Variants in PXK observed in about 807,000 individuals in gnomAD.
PXK encodes PX domain-containing protein kinase-like protein.
In PXK, 35 loss-of-function variants were observed where a neutral mutation model predicts 84.7. The observed-to-expected ratio is 0.41, with a 90% CI of 0.32 to 0.55. The LOEUF (loss-of-function observed/expected upper bound fraction) is 0.55, where lower values mean the gene tolerates loss of function less well. Among genes scored for constraint, PXK ranks in the 20% least tolerant of loss-of-function variants. The probability of loss-of-function intolerance (pLI) is 0.21; values close to 1 mark genes in which losing one functional copy is unlikely to be tolerated. For missense variants in PXK, 634 were observed against 699.7 expected (o/e 0.91, Z 1.06); for synonymous variants, 253 against 260.8 (o/e 0.97, Z 0.29).
rs1177093584 is a variant in PXK, at chr3:58,399,677, A to G, written c.1181+300A>G. 6.6e-6 allele frequency among the ~76,000 whole-genome samples: 1 copy of G among 152,084 alleles called. No homozygotes were observed. Among genetic ancestry groups the G allele is most frequent in the Non-Finnish European group, 1.5e-5 (1 of 68,032 alleles). ...GGTGTGCGTATGTGTCGCAGCCCCC[A>G]GCTTAGGAAATACTGAAGGAGGGCC... On this transcript the variant is annotated intron_variant, in intron 12 of 17. Coordinates refer to ENST00000356151, the MANE Select transcript of PXK (RefSeq NM_017771.5). The surrounding 1 kb of genome is among the most constrained non-coding windows in gnomAD (Gnocchi z 4.3).
intron 5 of PXK, 96 bp from the exon 6 acceptor site, chr3:58,391,051 T>A (rs2106866034): frequency 1.1e-6 from 1 of 885,926 alleles, no homozygotes; most frequent in East Asian, 2.4e-5. Flanking sequence ...CGAATAATAT[T>A]GCCAAACTTA....
In PXK at chr3:58,370,582, G is replaced by A. The variant is rs887719718; in HGVS notation, c.201+1104G>A. Among the ~76,000 whole-genome samples, 4 of 152,200 alleles carry A rather than the reference G, an allele frequency of 2.6e-5. No individual in the cohort carries two copies. Among genetic ancestry groups the A allele is most frequent in the South Asian group, 2.1e-4 (1 of 4,828 alleles). ...TGCTCCCGTCATTGGTGAGCTAGCC[G>A]TTATCGCTCATTCTGAGGGACCTCT... is the stretch of plus-strand genomic sequence containing the variant. On this transcript the variant is annotated intron_variant, in intron 3 of 17. Coordinates refer to ENST00000356151, the MANE Select transcript of PXK (RefSeq NM_017771.5). The surrounding 1 kb of genome is among the most constrained non-coding windows in gnomAD (Gnocchi z 4.2).
At chr3:58,344,005 C>A (rs909019702) in intron 1 of PXK, among the ~76,000 whole-genome samples, 1 of 152,118 alleles carries the variant, frequency 6.6e-6, no homozygotes, top group Non-Finnish European at 1.5e-5. Context: ...TTTATAACCC[C>A]CCTCCCCCAG....
rs1222330756 is a variant in PXK at position 58,352,937 on chromosome 3, G to A, written c.103-12937G>A. On this transcript the variant is annotated intron_variant, in intron 1 of 17. Coordinates refer to ENST00000356151, the MANE Select transcript of PXK (RefSeq NM_017771.5). ...CTCATCTCACTGCAGGGATCAAAGC[G>A]TGTTTGCAATGTGTGCTTCATCTCT... is the stretch of plus-strand genomic sequence containing the variant. Among the ~76,000 whole-genome samples, 8 of 152,122 alleles carry A rather than the reference G, an allele frequency of 5.3e-5. No homozygotes were observed. In the East Asian group the frequency reaches 5.8e-4, roughly 11 times the overall value.
rs1042081652 is a variant in PXK at position 58,407,178 on chromosome 3, A to C, written c.1231-1746A>C. On this transcript the variant is annotated intron_variant, in intron 13 of 17. Coordinates refer to ENST00000356151, the MANE Select transcript of PXK (RefSeq NM_017771.5). The surrounding 1 kb of genome is among the most constrained non-coding windows in gnomAD (Gnocchi z 4.3). ...TGTACTACTCTACATTTCCACCAGC[A>C]GTGTACAAGGGCTTCAGTTTCTCCA... 2.6e-5 allele frequency among the ~76,000 whole-genome samples: 4 copies of C among 152,206 alleles called. No individual in the cohort carries two copies. The highest frequency in any genetic ancestry group is 5.9e-5 in the Non-Finnish European group (4 of 68,046).
chr3:58,409,398 G>A lies in PXK; in HGVS notation c.1309-134G>A. ...TACCTGGCATCCAGACCCGAGCCAG[G>A]AAGTAGACAGCCTGAGCAAGGAAAG... is the stretch of plus-strand genomic sequence containing the variant. On this transcript the variant is annotated intron_variant, in intron 14 of 17. Transcript: ENST00000356151. The surrounding 1 kb of genome is among the most constrained non-coding windows in gnomAD (Gnocchi z 4.2). 1 of 835,330 alleles carries A rather than the reference G, an allele frequency of 1.2e-6. No homozygotes were observed. The highest frequency in any genetic ancestry group is 1.9e-6 in the Non-Finnish European group (1 of 515,576). 51.7% of individuals were successfully genotyped at this position (835,330 alleles called of 1,614,324 possible).
At chr3:58,375,073 A>G (rs11130630) in intron 3 of PXK, among the ~76,000 whole-genome samples, 44,514 of 152,142 alleles carry the variant, frequency 0.29, 7,294 homozygotes, top group Middle Eastern at 0.39. Context: ...CAAACTGGGT[A>G]TGTTGAAGCT....
chr3:58,386,025 T>A (rs1461735346), intron 4 of PXK, among the ~76,000 whole-genome samples: 1 of 152,086 alleles, frequency 6.6e-6, no homozygotes, highest in East Asian at 1.9e-4. Context: ...AACTGGGAGC[T>A]CTCAGGACAT....
At chr3:58,380,962 C>T (rs1185297901) in intron 3 of PXK, among the ~76,000 whole-genome samples, 1 of 151,642 alleles carries the variant, frequency 6.6e-6, no homozygotes. Context: ...TTAACGCCAA[C>T]AGAGGGCCAG....
At chr3:58,410,885 A>G (rs61636939) in intron 16 of PXK, among the ~76,000 whole-genome samples, 19,747 of 152,182 alleles carry the variant, frequency 0.13, 1,961 homozygotes, top group African/African-American at 0.27. Flanking sequence ...GTTGAGGAAT[A>G]CCTGCTTATA....
rs918080079 is a variant in PXK, at chr3:58,383,524, C to G, written c.388+824C>G. On this transcript the variant is annotated intron_variant, in intron 4 of 17. Transcript: ENST00000356151. This position sits in a 1 kb window ranked among gnomAD's most constrained non-coding sequence, Gnocchi z 4.0. ...GTGTCTTCCTATTTGCTCCCTGAGACCCACTCAGTGCAAAGCATAGGAGGT... is the reference window on the plus strand; with the variant it reads ...GTGTCTTCCTATTTGCTCCCTGAGAGCCACTCAGTGCAAAGCATAGGAGGT... Among the ~76,000 whole-genome samples the G allele has an allele frequency of 5.9e-5, 9 of 152,268 alleles. No homozygotes were observed. The highest frequency in any genetic ancestry group is 1.9e-4 in the African/African-American group (8 of 41,554).
chr3:58,342,754 A>G (rs2097760729), intron 1 of PXK, among the ~76,000 whole-genome samples: 1 of 152,210 alleles, frequency 6.6e-6, no homozygotes, highest in African/African-American at 2.4e-5. Context: ...CTATAATACC[A>G]TCTATATCCT....
chr3:58,341,857 C>T (rs2097738592), intron 1 of PXK, among the ~76,000 whole-genome samples: 1 of 152,006 alleles, frequency 6.6e-6, no homozygotes, highest in African/African-American at 2.4e-5. Context: ...GCACCCGCTA[C>T]CACGCCTGGC....
chr3:58,375,075 G>T (rs1337115597), intron 3 of PXK, among the ~76,000 whole-genome samples: 1 of 152,186 alleles, frequency 6.6e-6, no homozygotes, highest in Non-Finnish European at 1.5e-5. Flanking sequence ...AACTGGGTAT[G>T]TTGAAGCTTG....
chr3:58,394,856 G>T (rs537069042), intron 7 of PXK, 142 bp from the exon 8 acceptor site: 1 of 554,008 alleles, frequency 1.8e-6, no homozygotes, highest in East Asian at 2.8e-5. Context: ...ACTTGAAAAT[G>T]CCATGTGTTC....
rs565353653 is a variant in PXK, at chr3:58,398,748, C to T, written c.1103-551C>T. Among the ~76,000 whole-genome samples, 14 of 152,224 alleles carry T rather than the reference C, an allele frequency of 9.2e-5. No homozygotes were observed. The highest frequency in any genetic ancestry group is 2.9e-4 in the African/African-American group (12 of 41,540). On this transcript the variant is annotated intron_variant, in intron 11 of 17. Transcript: ENST00000356151. This position sits in a 1 kb window ranked among gnomAD's most constrained non-coding sequence, Gnocchi z 4.5. Reference sequence around the variant, plus strand: ...ATACTCAAGTCCACCCTTCACCAAGCGTTATTGTGTCAAAAGAGGCAATTC... The same window carrying T: ...ATACTCAAGTCCACCCTTCACCAAGTGTTATTGTGTCAAAAGAGGCAATTC...
chr3:58,342,125 ACT>A (rs1237478915), intron 1 of PXK, among the ~76,000 whole-genome samples: 1 of 151,968 alleles, frequency 6.6e-6, no homozygotes, highest in Non-Finnish European at 1.5e-5. Flanking sequence ...TGATTACCAA[ACT>A]CCAAGAAACA....
chr3:58,341,167 A>G (rs1180834693), intron 1 of PXK, among the ~76,000 whole-genome samples: 2 of 152,184 alleles, frequency 1.3e-5, no homozygotes, highest in Non-Finnish European at 2.9e-5. Context: ...CTTGGACCTC[A>G]GGAGGAGGAG....
At chr3:58,342,634 C>CAAAAAAAAAAAAA (rs71091369) in intron 1 of PXK, among the ~76,000 whole-genome samples, 4 of 113,442 alleles carry the variant, frequency 3.5e-5, no homozygotes, top group East Asian at 3.1e-4. Flanking sequence ...GACTCTGTCT[C>CAAAAAAAAAAAAA]AAAAAAAAAA....
Sources: gnomAD v4.1 joint callset for allele counts (sites outside exome capture counted in the v4.1 genomes callset) on GRCh38, gnomAD v4.1.1 for gene constraint, Gnocchi (gnomAD v3.1) non-coding constraint, MANE v1.5 for transcripts, NCBI Gene and HGNC (gene_info 2026-07-23, HGNC 2026-07-21) for gene names.